Variants in CEMIP observed in about 807,000 individuals in gnomAD.
The protein encoded by CEMIP is cell migration inducing hyaluronidase 1.
In CEMIP, 105 loss-of-function variants were observed where a neutral mutation model predicts 156.9. The ratio of observed to expected loss-of-function variants is 0.67; its 90% CI spans 0.57 to 0.79. CEMIP has a LOEUF of 0.79. CEMIP is among the 30% of genes least tolerant of loss of function. The pLI, the probability that CEMIP is intolerant of heterozygous loss-of-function variation, is 0.00. For synonymous variants in CEMIP, 676 were observed against 668.4 expected (o/e 1.01, Z -0.17); for missense variants, 1,457 against 1,769.4 (o/e 0.82, Z 3.17).
At chr15:80,814,501 T>A (rs1896746405) in intron 1 of CEMIP, among the ~76,000 whole-genome samples, 1 of 152,174 alleles carries the variant, frequency 6.6e-6, no homozygotes, top group Non-Finnish European at 1.5e-5. Flanking sequence ...GGTTCACATG[T>A]CGCTGACAAT....
chr15:80,807,142 C>A (rs542478344), intron 1 of CEMIP, among the ~76,000 whole-genome samples: 1 of 151,304 alleles, frequency 6.6e-6, no homozygotes, highest in Non-Finnish European at 1.5e-5. Flanking sequence ...TGGGACTAGA[C>A]GTAGGATAGG....
At chr15:80,872,377 C>T (rs955887329) in intron 1 of CEMIP, among the ~76,000 whole-genome samples, 1 of 152,178 alleles carries the variant, frequency 6.6e-6, no homozygotes, top group Non-Finnish European at 1.5e-5. Context: ...AGACATCTCT[C>T]CAAGCGACAT....
Position 80,894,990 on chromosome 15 carries a change from G to A in CEMIP, c.1087G>A (p.Ala363Thr), listed in dbSNP as rs1410369077. 6.2e-7 allele frequency: 1 copy of A among 1,613,936 alleles called. No homozygotes were observed. The highest frequency in any genetic ancestry group is 1.3e-5 in the African/African-American group (1 of 74,900). The change falls in exon 11 of 30, where the codon GCC (alanine) becomes ACC (threonine). Residue 363 changes from alanine to threonine, a missense_variant and splice_region_variant. Ala to Thr is a moderately conservative substitution (Grantham distance 58). Around this residue, in one of 5 missense-constraint regions of CEMIP, gnomAD observed 280 missense variants for 300.3 expected, o/e 0.93. Transcript: ENST00000394685. The stretch of plus-strand genomic sequence containing the variant: ...TCTGTAATTTCTGTGTCATTCCCAG[G>A]CCACTACAATGGATGGAGTTAACCT... Reference protein sequence around the residue: ...KICNRPIDIQATTMDGVNLST... With the variant: ...KICNRPIDIQTTTMDGVNLST...
intron 12 of CEMIP, among the ~76,000 whole-genome samples, chr15:80,904,911 T>C (rs1016249421): frequency 2.6e-5 from 4 of 152,164 alleles, no homozygotes; most frequent in African/African-American, 9.7e-5. Context: ...ACCAACTCCA[T>C]AGGAGATATT....
chr15:80,842,082 A>T (rs377169227), intron 1 of CEMIP: 18 of 530,396 alleles, frequency 3.4e-5, no homozygotes, highest in African/African-American at 2.7e-4. Context: ...CTATCAGAAG[A>T]TGTGATGCCA....
At chr15:80,852,963 T>C (rs1011313330) in intron 1 of CEMIP, among the ~76,000 whole-genome samples, 5 of 152,154 alleles carry the variant, frequency 3.3e-5, no homozygotes, top group Non-Finnish European at 5.9e-5. Context: ...CATGAGTCCT[T>C]CAAGCCTGCA....
intron 1 of CEMIP, among the ~76,000 whole-genome samples, chr15:80,791,574 C>T (rs1896082970): frequency 6.6e-6 from 1 of 152,094 alleles, no homozygotes; most frequent in South Asian, 2.1e-4. Context: ...GTAGAGGCTC[C>T]AAGCCCTTGA....
At position 80,831,899 on chromosome 15, in the gene CEMIP, G is replaced by A. The variant is rs75297169; in HGVS notation, c.-175-41639G>A. Among the ~76,000 whole-genome samples, 8 of 152,304 alleles carry A rather than the reference G, an allele frequency of 5.3e-5. No individual in the cohort carries two copies. In the South Asian group the frequency reaches 1.0e-3, roughly 20 times the overall value. ...ATTCCTTCTCCCTGGCCTTCCTCAC[G>A]TTGATCTGTGTACAAATGGAGCTGC... On this transcript the variant is annotated intron_variant, in intron 1 of 29. Transcript: ENST00000394685.
chr15:80,921,606 C>T (rs1057354715), intron 16 of CEMIP, among the ~76,000 whole-genome samples: 2 of 152,202 alleles, frequency 1.3e-5, no homozygotes, highest in East Asian at 3.9e-4. Flanking sequence ...CTCACCCACC[C>T]GTCCATGCTG....
chr15:80,933,507 C>A (rs771082795), intron 23 of CEMIP, 47 bp downstream of exon 23: 2 of 1,445,998 alleles, frequency 1.4e-6, no homozygotes, highest in East Asian at 2.3e-5. Flanking sequence ...TTCACTCATG[C>A]AACAAGCATT....
chr15:80,838,806 A>G (rs2141698602), intron 1 of CEMIP, among the ~76,000 whole-genome samples: 1 of 152,292 alleles, frequency 6.6e-6, no homozygotes, highest in South Asian at 2.1e-4. Context: ...AGACGAGCAC[A>G]CTGAGGTTCA....
At chr15:80,814,030 C>G (rs993609712) in intron 1 of CEMIP, among the ~76,000 whole-genome samples, 3 of 145,900 alleles carry the variant, frequency 2.1e-5, no homozygotes, top group Non-Finnish European at 4.5e-5. Flanking sequence ...AGGATAAAGT[C>G]CAAACTCTTT....
At position 80,929,005 on chromosome 15, in the gene CEMIP, T is replaced by G. The variant is rs920716521; in HGVS notation, c.2457-14T>G. 3 of 1,614,066 alleles carry G rather than the reference T, an allele frequency of 1.9e-6. No homozygotes were observed. Among genetic ancestry groups the G allele is most frequent in the Non-Finnish European group, 2.5e-6 (3 of 1,180,048 alleles). Reference sequence around the variant, plus strand: ...GTCTCTGGGCATCTCACCTTAAACATCTTCTCTCTACAGTGGTGGAACCTT... The same window carrying G: ...GTCTCTGGGCATCTCACCTTAAACAGCTTCTCTCTACAGTGGTGGAACCTT... On this transcript the variant is annotated splice_polypyrimidine_tract_variant and intron_variant, in intron 20 of 29. Coordinates refer to ENST00000394685, the MANE Select transcript of CEMIP (RefSeq NM_001293298.2).
At chr15:80,902,350 T>C (rs1210291991) in intron 12 of CEMIP, among the ~76,000 whole-genome samples, 2 of 152,182 alleles carry the variant, frequency 1.3e-5, no homozygotes, top group Non-Finnish European at 2.9e-5. Context: ...CAAGGCTAGT[T>C]TGGCCACATC....
At chr15:80,831,163 C>T (rs150639485) in intron 1 of CEMIP, among the ~76,000 whole-genome samples, 119 of 152,152 alleles carry the variant, frequency 7.8e-4, no homozygotes, top group African/African-American at 2.7e-3. Flanking sequence ...GATAGGACTC[C>T]GCGTGTTTGA....
chr15:80,920,974 G>T (rs1467945001), intron 15 of CEMIP, 58 bp from the exon 16 acceptor site: 10 of 1,445,654 alleles, frequency 6.9e-6, no homozygotes, highest in Non-Finnish European at 9.7e-6. Context: ...CTGCCATGTG[G>T]CAGGATGACC....
intron 19 of CEMIP, among the ~76,000 whole-genome samples, chr15:80,926,765 T>C (rs1408640111): frequency 8.7e-6 from 1 of 114,728 alleles, no homozygotes; most frequent in East Asian, 2.7e-4. Flanking sequence ...AAATTTTTTT[T>C]TAAAAAAGTC....
intron 1 of CEMIP, among the ~76,000 whole-genome samples, chr15:80,839,687 A>G (rs1362153542): frequency 6.6e-6 from 1 of 152,152 alleles, no homozygotes; most frequent in African/African-American, 2.4e-5. Context: ...AGAAAGTTCC[A>G]TCCTCTTCAT....
chr15:80,875,988 T>C (rs897102702), intron 3 of CEMIP, among the ~76,000 whole-genome samples: 1 of 152,186 alleles, frequency 6.6e-6, no homozygotes, highest in African/African-American at 2.4e-5. Flanking sequence ...AGATGCAAAG[T>C]CTATGCAAAC....
Sources: allele counts gnomAD v4.1 joint callset (sites outside exome capture counted in the v4.1 genomes callset), GRCh38; gene constraint gnomAD v4.1.1; regional missense constraint gnomAD v4.1.1; transcripts MANE v1.5; gene names NCBI Gene and HGNC (gene_info 2026-07-23, HGNC 2026-07-21).